DERA: variants seen among roughly 807,000 people sequenced by gnomAD.
DERA encodes deoxyribose-phosphate aldolase.
Under a neutral mutation model 41.1 loss-of-function variants are expected in DERA, and 15 were observed. That is an observed-to-expected ratio of 0.37 (90% CI 0.24 to 0.56). The LOEUF (loss-of-function observed/expected upper bound fraction) is 0.56, where lower values mean the gene tolerates loss of function less well. Among genes scored for constraint, DERA ranks in the 20% least tolerant of loss-of-function variants. The pLI is 0.81. For synonymous variants in DERA, 139 were observed against 137.4 expected, an observed-to-expected ratio of 1.01 and a Z score of -0.08; for missense variants, 396 against 403.4, an observed-to-expected ratio of 0.98 and a Z score of 0.16.
rs1429437312 is a variant in DERA, at chr12:15,936,157, A to G, written c.32-20779A>G. ...ATTTCCACAATCTCCACTTGGTTAC[A>G]TAGGTCAGCTCTGTTAATTATGGAA... On this transcript the variant is annotated intron_variant, in intron 1 of 8. Coordinates refer to ENST00000428559, the MANE Select transcript of DERA (RefSeq NM_015954.4). The surrounding 1 kb of genome is among the most constrained non-coding windows in gnomAD (Gnocchi z 4.6). Among the ~76,000 whole-genome samples the G allele has an allele frequency of 6.6e-6, 1 of 152,226 alleles. No homozygotes were observed. Among genetic ancestry groups the G allele is most frequent in the East Asian group, 1.9e-4 (1 of 5,204 alleles).
chr12:16,023,582 A>G (rs904986428), intron 6 of DERA, among the ~76,000 whole-genome samples: 2 of 138,778 alleles, frequency 1.4e-5, no homozygotes, highest in African/African-American at 5.5e-5. Context: ...GGTTCACGCC[A>G]TTCTCCTGCC....
At chr12:15,987,189 T>C (rs1051752723) in intron 6 of DERA, among the ~76,000 whole-genome samples, 1 of 151,944 alleles carries the variant, frequency 6.6e-6, no homozygotes, top group Non-Finnish European at 1.5e-5. Context: ...AGGTTGATGT[T>C]TTCTAACAGT....
chr12:15,967,974 G>A lies in DERA; in HGVS notation c.508+5027G>A, dbSNP rs1261081261. Among the ~76,000 whole-genome samples the A allele has an allele frequency of 6.6e-6, 1 of 152,120 alleles. No individual in the cohort carries two copies. The highest frequency in any genetic ancestry group is 1.5e-5 in the Non-Finnish European group (1 of 68,022). On this transcript the variant is annotated intron_variant, in intron 5 of 8. Transcript: ENST00000428559. This position sits in a 1 kb window ranked among gnomAD's most constrained non-coding sequence, Gnocchi z 4.9. ...AAAAGAATTGAGGTGTGTATGTGAGGGAGGAATAGGCTTCTAAATGGGGAA... is the reference window on the plus strand; with the variant it reads ...AAAAGAATTGAGGTGTGTATGTGAGAGAGGAATAGGCTTCTAAATGGGGAA...
rs1220771464 is a variant in DERA, at chr12:15,938,243, T to C, written c.32-18693T>C. Among the ~76,000 whole-genome samples the C allele has an allele frequency of 1.3e-5, 2 of 152,210 alleles. No homozygotes were observed. The highest frequency in any genetic ancestry group is 2.9e-5 in the Non-Finnish European group (2 of 68,038). On this transcript the variant is annotated intron_variant, in intron 1 of 8. Coordinates refer to ENST00000428559, the MANE Select transcript of DERA (RefSeq NM_015954.4). This position sits in a 1 kb window ranked among gnomAD's most constrained non-coding sequence, Gnocchi z 4.1. ...TGTTAGGGTGACTTAGCATGCAAAT[T>C]AGACACTTTTGACAGCAAAAGGGAG...
In DERA at chr12:15,976,068, A is replaced by G. The variant is rs1948694852; in HGVS notation, c.509-6240A>G. Among the ~76,000 whole-genome samples the G allele has an allele frequency of 6.6e-6, 1 of 152,140 alleles. No individual in the cohort carries two copies. ...AACACACATTCATTTTTATTTATTTATATATCAGTCTATAAATCTGTCTTA... is the reference window on the plus strand; with the variant it reads ...AACACACATTCATTTTTATTTATTTGTATATCAGTCTATAAATCTGTCTTA... On this transcript the variant is annotated intron_variant, in intron 5 of 8. Coordinates refer to ENST00000428559, the MANE Select transcript of DERA (RefSeq NM_015954.4). This position sits in a 1 kb window ranked among gnomAD's most constrained non-coding sequence, Gnocchi z 4.1.
intron 5 of DERA, among the ~76,000 whole-genome samples, chr12:15,975,605 ATAAAC>A (rs1161148048): frequency 2.0e-4 from 31 of 152,258 alleles, no homozygotes; most frequent in African/African-American, 7.2e-4. Flanking sequence ...ACTATGAACT[ATAAAC>A]TAAGTTCCTC....
At position 15,911,529 on chromosome 12, in the gene DERA, C is replaced by A; in HGVS notation, c.31+115C>A. The A allele has an allele frequency of 9.1e-7, 1 of 1,099,832 alleles. No individual in the cohort carries two copies. The highest frequency in any genetic ancestry group is 1.6e-5 in the African/African-American group (1 of 62,668). The allele number at this position is 1,099,832 out of a possible 1,614,324, so 68.1% of individuals were successfully genotyped here. On this transcript the variant is annotated intron_variant, in intron 1 of 8. Coordinates refer to ENST00000428559, the MANE Select transcript of DERA (RefSeq NM_015954.4). The surrounding 1 kb of genome is among the most constrained non-coding windows in gnomAD (Gnocchi z 4.5). ...GCTGTGGGTCCCCGAGGGGTTTTCG[C>A]TGGGGCGGGAAGCAGTGGCGTCTGG...
At chr12:15,920,707 C>T (rs548778864) in intron 1 of DERA, among the ~76,000 whole-genome samples, 1 of 152,306 alleles carries the variant, frequency 6.6e-6, no homozygotes, top group South Asian at 2.1e-4. Flanking sequence ...GTGGCACATG[C>T]CTGTAACAGT....
At chr12:15,950,243 T>C (rs1213562856) in intron 1 of DERA, among the ~76,000 whole-genome samples, 2 of 152,254 alleles carry the variant, frequency 1.3e-5, no homozygotes, top group East Asian at 1.9e-4. Flanking sequence ...TCTGGTTGCC[T>C]ATTTTTAATG....
rs199786307 is a variant in DERA, at chr12:15,967,723, C to T, written c.508+4776C>T. On this transcript the variant is annotated intron_variant, in intron 5 of 8. Transcript: ENST00000428559. The surrounding 1 kb of genome is among the most constrained non-coding windows in gnomAD (Gnocchi z 4.9). ...TTTTACTGTCAGATCATGTTGAGCTCGTGACGGCACACTGTCCTTCCCTGC... is the reference window on the plus strand; with the variant it reads ...TTTTACTGTCAGATCATGTTGAGCTTGTGACGGCACACTGTCCTTCCCTGC... Among the ~76,000 whole-genome samples the T allele has an allele frequency of 5.9e-5, 9 of 152,288 alleles. No homozygotes were observed. Among genetic ancestry groups the T allele is most frequent in the East Asian group, 5.8e-4 (3 of 5,184 alleles).
chr12:15,953,912 C>G (rs1043263896), intron 1 of DERA, among the ~76,000 whole-genome samples: 1 of 152,160 alleles, frequency 6.6e-6, no homozygotes, highest in African/African-American at 2.4e-5. Context: ...TGGGAGGTCA[C>G]AGAGGCAAAT....
At chr12:15,919,026 G>A (rs1948222222) in intron 1 of DERA, among the ~76,000 whole-genome samples, 1 of 152,128 alleles carries the variant, frequency 6.6e-6, no homozygotes. Context: ...CATACACAGA[G>A]TCAATAATTA....
rs1174443710 is a variant in DERA, at chr12:15,935,858, C to G, written c.32-21078C>G. ...TAGCTGGGTGGTTCTGGCTTGGGGTCTCTCATGAGGTTGCAATCAAGTTAT... is the reference window on the plus strand; with the variant it reads ...TAGCTGGGTGGTTCTGGCTTGGGGTGTCTCATGAGGTTGCAATCAAGTTAT... On this transcript the variant is annotated intron_variant, in intron 1 of 8. Transcript: ENST00000428559. This position sits in a 1 kb window ranked among gnomAD's most constrained non-coding sequence, Gnocchi z 4.8. Among the ~76,000 whole-genome samples the G allele has an allele frequency of 2.0e-5, 3 of 152,156 alleles. No individual in the cohort carries two copies. The East Asian group carries it at 5.8e-4, about 29-fold the overall frequency.
chr12:16,029,910 G>C (rs1265794158), intron 6 of DERA, among the ~76,000 whole-genome samples: 1 of 93,554 alleles, frequency 1.1e-5, no homozygotes, highest in African/African-American at 3.1e-5. Context: ...ATGTAGCCTT[G>C]GTCTTTTTTT....
intron 4 of DERA, 62 bp from the exon 5 acceptor site, chr12:15,962,751 C>G (rs2136150094): frequency 2.8e-6 from 4 of 1,449,530 alleles, no homozygotes; most frequent in African/African-American, 2.8e-5. Context: ...CCCTCCCCCC[C>G]TTGCTTACTT....
chr12:16,018,318 A>T (rs1948997388), intron 6 of DERA, among the ~76,000 whole-genome samples: 1 of 152,200 alleles, frequency 6.6e-6, no homozygotes, highest in African/African-American at 2.4e-5. Flanking sequence ...TGAGGTTCGC[A>T]AATGAATAGA....
intron 4 of DERA, among the ~76,000 whole-genome samples, chr12:15,960,971 C>T (rs1053441783): frequency 1.9e-4 from 29 of 152,232 alleles, no homozygotes; most frequent in African/African-American, 6.5e-4. Flanking sequence ...AGAGGGAGAT[C>T]AGGGCAGAAT....
intron 6 of DERA, among the ~76,000 whole-genome samples, chr12:16,018,060 T>C (rs1382897123): frequency 6.6e-6 from 1 of 152,192 alleles, no homozygotes; most frequent in Non-Finnish European, 1.5e-5. Context: ...ATAAGATTTG[T>C]TCAAGAAATA....
intron 1 of DERA, among the ~76,000 whole-genome samples, chr12:15,939,189 G>T (rs895399051): frequency 2.0e-5 from 3 of 152,158 alleles, no homozygotes; most frequent in Non-Finnish European, 4.4e-5. Context: ...TCCCAGCAGA[G>T]CCCAGTCTTC....
Sources: gnomAD v4.1 joint callset for allele counts (sites outside exome capture counted in the v4.1 genomes callset) on GRCh38, gnomAD v4.1.1 for gene constraint, Gnocchi (gnomAD v3.1) non-coding constraint, MANE v1.5 for transcripts, NCBI Gene and HGNC (gene_info 2026-07-23, HGNC 2026-07-21) for gene names.